PDE10A: variants seen among roughly 807,000 people sequenced by gnomAD.
The protein encoded by PDE10A is phosphodiesterase 10A.
A neutral mutation model predicts 97.7 loss-of-function variants in PDE10A; 39 were observed. The ratio of observed to expected loss-of-function variants is 0.40; its 90% CI spans 0.31 to 0.52. PDE10A has a LOEUF of 0.52. PDE10A is among the 20% of genes least tolerant of loss of function. The pLI is 0.56. For synonymous variants in PDE10A, 371 were observed against 376.8 expected, an observed-to-expected ratio of 0.98 and a Z score of 0.18; for missense variants, 731 against 1,047.8, an observed-to-expected ratio of 0.70 and a Z score of 4.17.
intron 5 of PDE10A, 139 bp downstream of exon 5, chr6:165,448,779 GACTGGTAATA>G (rs1791054116): frequency 1.1e-5 from 6 of 540,186 alleles, no homozygotes. Context: ...TAAAATTCTT[GACTGGTAATA>G]ACCAAATATA....
intron 2 of PDE10A, among the ~76,000 whole-genome samples, chr6:165,522,328 T>A (rs1782176030): frequency 6.6e-6 from 1 of 152,050 alleles, no homozygotes; most frequent in African/African-American, 2.4e-5. Flanking sequence ...GATAGCAAAA[T>A]CTGGCAAAGA....
chr6:165,513,812 T>C (rs763651816), intron 2 of PDE10A, among the ~76,000 whole-genome samples: 1 of 152,182 alleles, frequency 6.6e-6, no homozygotes, highest in Non-Finnish European at 1.5e-5. Flanking sequence ...TGTTCATTTT[T>C]ATGTAGAAAT....
chr6:165,629,011 A>G (rs1788510366), intron 1 of PDE10A, among the ~76,000 whole-genome samples: 1 of 151,924 alleles, frequency 6.6e-6, no homozygotes, highest in African/African-American at 2.4e-5. Context: ...CATGATTTTT[A>G]TGGGTTTTTT....
At chr6:165,769,121 T>C (rs184893913) in intron 1 of PDE10A, among the ~76,000 whole-genome samples, 12 of 152,324 alleles carry the variant, frequency 7.9e-5, no homozygotes, top group Non-Finnish European at 8.8e-5. Context: ...AGACCAACAC[T>C]GTCCATTAGA....
chr6:165,885,089 G>C (rs1281924385), intron 1 of PDE10A, among the ~76,000 whole-genome samples: 1 of 152,194 alleles, frequency 6.6e-6, no homozygotes, highest in Non-Finnish European at 1.5e-5. Context: ...CCCAGAGCTG[G>C]GAACTACAGG....
chr6:165,976,209 T>C (rs966858255), intron 1 of PDE10A, among the ~76,000 whole-genome samples: 1 of 152,240 alleles, frequency 6.6e-6, no homozygotes, highest in African/African-American at 2.4e-5. Context: ...GTTACTGTTA[T>C]GTGGATATGT....
intron 1 of PDE10A, chr6:165,949,764 C>T (rs1783893646): frequency 6.6e-6 from 1 of 152,272 alleles, no homozygotes; most frequent in African/African-American, 2.4e-5. Context: ...TAAAAGTATT[C>T]TGTCGTGGTT....
chr6:165,769,703 C>T (rs967305068), intron 1 of PDE10A, among the ~76,000 whole-genome samples: 1 of 152,128 alleles, frequency 6.6e-6, no homozygotes, highest in Admixed American at 6.5e-5. Context: ...GCAAAATTGC[C>T]CGCGAACAAA....
At chr6:165,391,596 T>TG (rs1290284437) in intron 16 of PDE10A, among the ~76,000 whole-genome samples, 3 of 152,154 alleles carry the variant, frequency 2.0e-5, no homozygotes, top group African/African-American at 7.2e-5. Flanking sequence ...AGATTTCATG[T>TG]GGATCTTTCG....
At chr6:165,716,822 A>T (rs1286856183) in intron 1 of PDE10A, among the ~76,000 whole-genome samples, 1 of 152,202 alleles carries the variant, frequency 6.6e-6, no homozygotes, top group Non-Finnish European at 1.5e-5. Context: ...TTGATTTTTA[A>T]AGAAAATTAC....
At chr6:165,470,650 A>G (rs1583348930) in intron 3 of PDE10A, among the ~76,000 whole-genome samples, 3 of 152,168 alleles carry the variant, frequency 2.0e-5, no homozygotes, top group Non-Finnish European at 2.9e-5. Flanking sequence ...TTTTCTGGTA[A>G]TCAATTAGAA....
chr6:165,424,371 G>A (rs1425210318), intron 10 of PDE10A, among the ~76,000 whole-genome samples: 1 of 152,104 alleles, frequency 6.6e-6, no homozygotes, highest in African/African-American at 2.4e-5. Context: ...GATAACTCCA[G>A]TTACTATGTA....
At chr6:165,945,389 CTTGT>C (rs1783732748) in intron 1 of PDE10A, among the ~76,000 whole-genome samples, 1 of 152,210 alleles carries the variant, frequency 6.6e-6, no homozygotes, top group African/African-American at 2.4e-5. Flanking sequence ...ACAATATATG[CTTGT>C]TTGTTTAAGC....
intron 1 of PDE10A, among the ~76,000 whole-genome samples, chr6:165,592,632 G>A (rs1301909697): frequency 6.6e-6 from 1 of 152,080 alleles, no homozygotes; most frequent in African/African-American, 2.4e-5. Flanking sequence ...CAAAAAGTGG[G>A]CAAAGGATAT....
Position 165,661,892 on chromosome 6 carries a change from C to A in PDE10A, c.865+55G>T, listed in dbSNP as rs1039286009. ...CCAGCAGTCCAAGCCCCCCACCTGC[C>A]CCCAGGGGATGAGGAGCCGCCCCAC... On this transcript the variant is annotated intron_variant, in intron 1 of 21. Coordinates refer to ENST00000539869, the MANE Select transcript of PDE10A (RefSeq NM_001385079.1). This position sits in a 1 kb window ranked among gnomAD's most constrained non-coding sequence, Gnocchi z 4.8. 4 of 759,408 alleles carry A rather than the reference C, an allele frequency of 5.3e-6. No individual in the cohort carries two copies. The African/African-American group carries it at 7.2e-5, about 14-fold the overall frequency. 47.0% of individuals were successfully genotyped at this position (759,408 alleles called of 1,614,324 possible).
intron 1 of PDE10A, among the ~76,000 whole-genome samples, chr6:165,701,738 T>C (rs9365912): frequency 0.66 from 99,046 of 150,284 alleles, 33,170 homozygotes; most frequent in African/African-American, 0.78. Context: ...TGTGCATGTG[T>C]GTGTGCATGT....
At chr6:165,698,258 T>C (rs976333686) in intron 1 of PDE10A, among the ~76,000 whole-genome samples, 2 of 152,224 alleles carry the variant, frequency 1.3e-5, no homozygotes, top group African/African-American at 2.4e-5. Flanking sequence ...CAGGACCTCC[T>C]TGACTCAGGT....
At chr6:165,448,158 A>ATG (rs1249960719) in intron 5 of PDE10A, among the ~76,000 whole-genome samples, 1 of 152,236 alleles carries the variant, frequency 6.6e-6, no homozygotes, top group East Asian at 1.9e-4. Context: ...CACATAAGAA[A>ATG]TGTGAAGCAA....
intron 1 of PDE10A, among the ~76,000 whole-genome samples, chr6:165,862,631 T>C (rs995719025): frequency 1.3e-5 from 2 of 151,048 alleles, no homozygotes; most frequent in African/African-American, 4.9e-5. Context: ...TAAGAGCAAG[T>C]GAGTCAAAGA....
Sources: allele counts gnomAD v4.1 joint callset (sites outside exome capture counted in the v4.1 genomes callset), GRCh38; gene constraint gnomAD v4.1.1; non-coding constraint Gnocchi (gnomAD v3.1); transcripts MANE v1.5; gene names NCBI Gene and HGNC (gene_info 2026-07-23, HGNC 2026-07-21).